The following MYT1L variants were observed in gnomAD, a reference collection of about 807,000 sequenced individuals.
The protein encoded by MYT1L is myelin transcription factor 1-like protein.
A neutral mutation model predicts 126.7 loss-of-function variants in MYT1L; 12 were observed. The ratio of observed to expected loss-of-function variants is 0.09; its 90% CI spans 0.06 to 0.15. MYT1L has a LOEUF of 0.15. MYT1L is among the 10% of genes least tolerant of loss of function. The pLI, the probability that MYT1L is intolerant of heterozygous loss-of-function variation, is 1.00. For missense variants in MYT1L, 979 were observed against 1,585.2 expected (o/e 0.62, Z 6.49); for synonymous variants, 541 against 604.2 (o/e 0.90, Z 1.53).
At chr2:2,261,202 C>T (rs992384798) in intron 2 of MYT1L, among the ~76,000 whole-genome samples, 3 of 151,942 alleles carry the variant, frequency 2.0e-5, no homozygotes, top group Admixed American at 2.0e-4. Context: ...AATAGAATCT[C>T]CAACTTTTTT....
intron 1 of MYT1L, among the ~76,000 whole-genome samples, chr2:2,302,496 C>T (rs549628157): frequency 1.2e-4 from 18 of 152,206 alleles, no homozygotes; most frequent in African/African-American, 4.1e-4. Context: ...CTATTTTTGC[C>T]AGATCTCAAG....
Position 2,102,604 on chromosome 2 carries a change from ATGTGTGTGTG to A in MYT1L, c.-303-48491_-303-48482del, listed in dbSNP as rs3047992. Among the ~76,000 whole-genome samples the A allele has an allele frequency of 2.8e-3, 402 of 143,120 alleles. 2 individuals carry two copies. The highest frequency in any genetic ancestry group is 9.6e-3 in the African/African-American group (374 of 38,998). The allele number at this position is 143,120 out of a possible 152,430, so 93.9% of individuals were successfully genotyped here. The stretch of plus-strand genomic sequence containing the variant: ...TCCATTTTGGCAATGCCTCTTGGGA[ATGTGTGTGTG>A]TGTGTGTGTGTGTGTGTGTGTGTGT... On this transcript the variant is annotated intron_variant, in intron 3 of 24. Transcript: ENST00000647738.
At chr2:2,229,628 T>C (rs1357593361) in intron 2 of MYT1L, among the ~76,000 whole-genome samples, 1 of 151,348 alleles carries the variant, frequency 6.6e-6, no homozygotes, top group Non-Finnish European at 1.5e-5. Context: ...AGATGGGGCC[T>C]CACTGTGTTG....
chr2:2,114,776 G>A (rs73911368), intron 3 of MYT1L, among the ~76,000 whole-genome samples: 7 of 152,148 alleles, frequency 4.6e-5, no homozygotes, highest in South Asian at 2.1e-4. Context: ...CATAAACAAC[G>A]CAAGGAGTCG....
intron 1 of MYT1L, among the ~76,000 whole-genome samples, chr2:2,307,355 C>T (rs1300948879): frequency 2.0e-5 from 3 of 151,826 alleles, no homozygotes; most frequent in South Asian, 2.1e-4. Flanking sequence ...GGGTGTGTGG[C>T]GTCATGGCTA....
At chr2:2,194,729 A>G (rs2092725598) in intron 2 of MYT1L, among the ~76,000 whole-genome samples, 1 of 152,198 alleles carries the variant, frequency 6.6e-6, no homozygotes, top group South Asian at 2.1e-4. Flanking sequence ...ACCCTGCACC[A>G]ACAACTCTAA....
chr2:1,923,806 AT>A (rs2149115145), intron 9 of MYT1L, among the ~76,000 whole-genome samples: 1 of 152,354 alleles, frequency 6.6e-6, no homozygotes, highest in Admixed American at 6.5e-5. Context: ...TGCCGGCTGC[AT>A]TGGGAGCTCA....
At chr2:2,000,373 C>T (rs1486219678) in intron 4 of MYT1L, among the ~76,000 whole-genome samples, 1 of 152,218 alleles carries the variant, frequency 6.6e-6, no homozygotes, top group African/African-American at 2.4e-5. Flanking sequence ...CAGAAATTTC[C>T]TCTGGGAAAT....
chr2:2,136,489 A>C (rs907223695), intron 3 of MYT1L, among the ~76,000 whole-genome samples: 6 of 152,158 alleles, frequency 3.9e-5, no homozygotes, highest in Admixed American at 6.5e-5. Flanking sequence ...GATATGAGAG[A>C]TTATTTCTCT....
chr2:2,236,159 TAACCCAGCACATCCCAACCC>T (rs2094296248), intron 2 of MYT1L, among the ~76,000 whole-genome samples: 7 of 47,184 alleles, frequency 1.5e-4, no homozygotes, highest in Admixed American at 6.4e-4. Context: ...CATCCCATCC[TAACCCAGCACATCCCAACCC>T]AACCCAGCAC....
chr2:1,969,497 C>T lies in MYT1L; in HGVS notation c.152+9668G>A, dbSNP rs115086996. Among the ~76,000 whole-genome samples the T allele has an allele frequency of 3.9e-3, 596 of 152,336 alleles. 2 individuals carry two copies. The highest frequency in any genetic ancestry group is 0.013 in the African/African-American group (558 of 41,578). On this transcript the variant is annotated intron_variant, in intron 8 of 24. Transcript: ENST00000647738. ...TGGCTAAAACCCAGATTGCCGGTGCCAGCCTTAGCTTCTCACTTAGCTGGT... is the reference window on the plus strand; with the variant it reads ...TGGCTAAAACCCAGATTGCCGGTGCTAGCCTTAGCTTCTCACTTAGCTGGT...
At chr2:2,295,958 AAGAG>A (rs747668074) in intron 1 of MYT1L, among the ~76,000 whole-genome samples, 27 of 144,352 alleles carry the variant, frequency 1.9e-4, no homozygotes, top group Middle Eastern at 4.7e-3. Context: ...GAGGTAGAGA[AAGAG>A]AGAGAAGAAT....
At chr2:2,092,975 G>T (rs1401929807) in intron 3 of MYT1L, among the ~76,000 whole-genome samples, 2 of 152,212 alleles carry the variant, frequency 1.3e-5, no homozygotes, top group Non-Finnish European at 2.9e-5. Context: ...GGGTGTGTGT[G>T]TAACTTTGAA....
At chr2:2,053,735 G>T (rs1335324718) in intron 4 of MYT1L, among the ~76,000 whole-genome samples, 2 of 152,190 alleles carry the variant, frequency 1.3e-5, no homozygotes, top group African/African-American at 4.8e-5. Flanking sequence ...TCTTTTGGGT[G>T]ATGTTATAAC....
At chr2:1,825,118 G>C (rs1005473874) in intron 21 of MYT1L, 4 of 152,266 alleles carry the variant, frequency 2.6e-5, no homozygotes, top group Non-Finnish European at 5.9e-5. Flanking sequence ...ATGGAGCTGG[G>C]GAAAGAGACC....
intron 21 of MYT1L, among the ~76,000 whole-genome samples, chr2:1,812,644 G>C (rs1051179867): frequency 6.6e-6 from 1 of 152,126 alleles, no homozygotes; most frequent in African/African-American, 2.4e-5. Flanking sequence ...TTGTGAGGCC[G>C]AGGCGGACAG....
chr2:1,911,934 T>A, intron 12 of MYT1L, 86 bp downstream of exon 12: 2 of 1,054,336 alleles, frequency 1.9e-6, no homozygotes, highest in Non-Finnish European at 2.7e-6. Context: ...GAGCACCATA[T>A]GGAGCGTGGT....
rs532926896 is a variant in MYT1L at position 1,848,264 on chromosome 2, G to T, written c.2774+3377C>A. Among the ~76,000 whole-genome samples, 1 of 151,630 alleles carries T rather than the reference G, an allele frequency of 6.6e-6. No homozygotes were observed. The highest frequency in any genetic ancestry group is 2.0e-4 in the East Asian group (1 of 5,116). On this transcript the variant is annotated intron_variant, in intron 19 of 24. Coordinates refer to ENST00000647738, the MANE Select transcript of MYT1L (RefSeq NM_001303052.2). This position sits in a 1 kb window ranked among gnomAD's most constrained non-coding sequence, Gnocchi z 4.8. Reference sequence around the variant, plus strand: ...GTGTGCCTTTGTCCTGGGAGCAGGAGGGAGAATTCTACAGACACCACGGAA... The same window carrying T: ...GTGTGCCTTTGTCCTGGGAGCAGGATGGAGAATTCTACAGACACCACGGAA...
Position 1,942,985 on chromosome 2 carries a change from TTTC to T in MYT1L, c.499_501del (p.Glu167del), listed in dbSNP as rs1373495779. 3.3e-6 allele frequency: 5 copies of T among 1,533,726 alleles called. No individual in the cohort carries two copies. The highest frequency in any genetic ancestry group is 2.5e-5 in the South Asian group (2 of 80,302). The stretch of plus-strand genomic sequence containing the variant: ...TTGCTAATATTTTAAAGATTACCGT[TTTC>T]TTCTTCCTCTTCCTCCTCCTCCTCC... On this transcript the variant is annotated inframe_deletion, in exon 9 of 25. Transcript: ENST00000647738.
Sources: allele counts gnomAD v4.1 joint callset (sites outside exome capture counted in the v4.1 genomes callset), GRCh38; gene constraint gnomAD v4.1.1; non-coding constraint Gnocchi (gnomAD v3.1); transcripts MANE v1.5; gene names NCBI Gene and HGNC (gene_info 2026-07-23, HGNC 2026-07-21).